The following PTPRD variants were observed in gnomAD, a reference collection of about 807,000 sequenced individuals.
The protein encoded by PTPRD is receptor-type tyrosine-protein phosphatase delta.
A neutral mutation model predicts 214.5 loss-of-function variants in PTPRD; 34 were observed. The ratio of observed to expected loss-of-function variants is 0.16; its 90% CI spans 0.12 to 0.21. PTPRD has a LOEUF of 0.21. Among genes scored for constraint, PTPRD ranks in the 10% least tolerant of loss-of-function variants. The pLI is 1.00. For missense variants in PTPRD, 2,545 were observed against 2,398.7 expected (o/e 1.06, Z -1.27); for synonymous variants, 1,128 against 845.7 (o/e 1.33, Z -5.79).
chr9:10,308,292 G>C (rs922532355), intron 3 of PTPRD, among the ~76,000 whole-genome samples: 2 of 151,928 alleles, frequency 1.3e-5, no homozygotes, highest in African/African-American at 4.8e-5. Context: ...GATGTCCAAT[G>C]TTCCCAGCAT....
intron 7 of PTPRD, among the ~76,000 whole-genome samples, chr9:9,609,435 T>C (rs570889539): frequency 1.1e-3 from 164 of 152,228 alleles, no homozygotes; most frequent in African/African-American, 3.9e-3. Flanking sequence ...GAGATGTATA[T>C]CAAGTAACAA....
At chr9:8,483,977 A>G in intron 30 of PTPRD, 142 bp downstream of exon 30, 1 of 1,067,936 alleles carries the variant, frequency 9.4e-7, no homozygotes, top group Non-Finnish European at 1.3e-6. Context: ...AAGAACTCGG[A>G]TAGCAAAACT....
intron 11 of PTPRD, among the ~76,000 whole-genome samples, chr9:8,838,596 C>T (rs1025923515): frequency 6.6e-6 from 1 of 151,764 alleles, no homozygotes; most frequent in Admixed American, 6.6e-5. Context: ...GATTAAATAA[C>T]AGGTTATTTA....
chr9:9,325,740 G>A (rs1969727243), intron 9 of PTPRD, among the ~76,000 whole-genome samples: 1 of 152,178 alleles, frequency 6.6e-6, no homozygotes, highest in Non-Finnish European at 1.5e-5. Context: ...TTGAATAGGA[G>A]TGGTGAGAGA....
At chr9:9,353,154 T>C (rs2052155466) in intron 9 of PTPRD, among the ~76,000 whole-genome samples, 1 of 151,940 alleles carries the variant, frequency 6.6e-6, no homozygotes. Flanking sequence ...ATCCTAAAAC[T>C]TTACTACCTA....
chr9:8,529,035 G>A (rs566721294), intron 14 of PTPRD, among the ~76,000 whole-genome samples: 2 of 152,214 alleles, frequency 1.3e-5, no homozygotes, highest in South Asian at 4.1e-4. Flanking sequence ...AGTTTTCCAA[G>A]AGCAAAGAGG....
intron 5 of PTPRD, among the ~76,000 whole-genome samples, chr9:9,826,530 A>T (rs2052912784): frequency 6.6e-6 from 1 of 151,954 alleles, no homozygotes; most frequent in African/African-American, 2.4e-5. Flanking sequence ...TTTATCAAAA[A>T]ATAGAGACTT....
At chr9:8,880,208 G>T (rs545620797) in intron 11 of PTPRD, among the ~76,000 whole-genome samples, 1 of 152,182 alleles carries the variant, frequency 6.6e-6, no homozygotes, top group Non-Finnish European at 1.5e-5. Flanking sequence ...TTTACCTAGT[G>T]ATATTTGATA....
intron 10 of PTPRD, among the ~76,000 whole-genome samples, chr9:9,157,001 A>C (rs544403377): frequency 6.6e-6 from 1 of 152,304 alleles, no homozygotes; most frequent in African/African-American, 2.4e-5. Context: ...AAGCCTCTCC[A>C]CATATTTTCA....
At chr9:8,366,474 AAGT>A (rs1459023930) in intron 39 of PTPRD, among the ~76,000 whole-genome samples, 1 of 152,166 alleles carries the variant, frequency 6.6e-6, no homozygotes, top group African/African-American at 2.4e-5. Flanking sequence ...CCTTGGAAGA[AAGT>A]AGACAAAAAC....
chr9:9,302,618 G>C (rs200125935), intron 9 of PTPRD, among the ~76,000 whole-genome samples: 2 of 53,934 alleles, frequency 3.7e-5, no homozygotes, highest in East Asian at 5.9e-4. Flanking sequence ...TTTTTTTTTT[G>C]TCTTTCCTGG....
At chr9:10,043,616 C>A (rs571212967) in intron 3 of PTPRD, among the ~76,000 whole-genome samples, 23 of 151,778 alleles carry the variant, frequency 1.5e-4, no homozygotes, top group African/African-American at 5.5e-4. Flanking sequence ...TAGTTTAGGT[C>A]CACAATTCAG....
intron 5 of PTPRD, among the ~76,000 whole-genome samples, chr9:9,865,771 T>A (rs2063802171): frequency 6.6e-6 from 1 of 152,252 alleles, no homozygotes; most frequent in African/African-American, 2.4e-5. Flanking sequence ...CTATCTTGGG[T>A]ATTTATTATA....
intron 2 of PTPRD, among the ~76,000 whole-genome samples, chr9:10,576,418 A>C (rs1224348367): frequency 6.6e-6 from 1 of 152,114 alleles, no homozygotes; most frequent in Non-Finnish European, 1.5e-5. Context: ...CTCCTTAAAA[A>C]TAGAATCTCA....
At chr9:9,291,888 G>GTGTA (rs1951268206) in intron 9 of PTPRD, among the ~76,000 whole-genome samples, 1 of 143,370 alleles carries the variant, frequency 7.0e-6, no homozygotes, top group Non-Finnish European at 1.5e-5. Flanking sequence ...TGTGTGTATG[G>GTGTA]TATATATATA....
intron 3 of PTPRD, among the ~76,000 whole-genome samples, chr9:10,110,326 G>T (rs544819659): frequency 6.6e-6 from 1 of 152,230 alleles, no homozygotes; most frequent in Non-Finnish European, 1.5e-5. Context: ...CTGTCATTCT[G>T]TAGGAAGAGA....
intron 3 of PTPRD, among the ~76,000 whole-genome samples, chr9:10,162,371 GAAC>G (rs1476404695): frequency 6.6e-6 from 1 of 151,114 alleles, no homozygotes; most frequent in Admixed American, 6.6e-5. Flanking sequence ...GCCATAAAAA[GAAC>G]AAAATTCTGT....
intron 14 of PTPRD, among the ~76,000 whole-genome samples, chr9:8,557,935 C>G (rs377703736): frequency 9.2e-5 from 14 of 151,700 alleles, no homozygotes; most frequent in African/African-American, 3.4e-4. Context: ...TAAGTTTACT[C>G]TAATTTTTTT....
intron 3 of PTPRD, among the ~76,000 whole-genome samples, chr9:10,146,230 T>C (rs534836121): frequency 5.2e-4 from 79 of 151,238 alleles, no homozygotes; most frequent in African/African-American, 1.8e-3. Flanking sequence ...TATCCATCCA[T>C]CCATCCATCC....
Sources: allele counts gnomAD v4.1 joint callset (sites outside exome capture counted in the v4.1 genomes callset), GRCh38; gene constraint gnomAD v4.1.1; transcripts MANE v1.5; gene names NCBI Gene and HGNC (gene_info 2026-07-23, HGNC 2026-07-21).